ZFR2: variants seen among roughly 807,000 people sequenced by gnomAD.
The protein encoded by ZFR2 is zinc finger RNA binding protein 2.
A neutral mutation model predicts 105.7 loss-of-function variants in ZFR2; 104 were observed. The observed-to-expected ratio is 0.98, with a 90% confidence interval of 0.84 to 1.16. The LOEUF (loss-of-function observed/expected upper bound fraction) is 1.16. ZFR2 is among the 50% of genes most tolerant of loss of function. The pLI is 0.00. For synonymous variants in ZFR2, 634 were observed against 597.7 expected, an observed-to-expected ratio of 1.06 and a Z score of -0.89; for missense variants, 1,425 against 1,355.5, an observed-to-expected ratio of 1.05 and a Z score of -0.80.
At chr19:3,821,222 C>G (rs2037888262) in intron 10 of ZFR2, 118 bp downstream of exon 10, 2 of 1,347,732 alleles carry the variant, frequency 1.5e-6, no homozygotes, top group African/African-American at 1.5e-5. Flanking sequence ...CCGTCTCCCC[C>G]CACTGCTCGA....
Position 3,848,044 on chromosome 19 carries a change from C to T in ZFR2, c.54-13061G>A, listed in dbSNP as rs7250518. On this transcript the variant is annotated intron_variant, in intron 1 of 18. Coordinates refer to ENST00000262961, the MANE Select transcript of ZFR2 (RefSeq NM_015174.2). Reference sequence around the variant, plus strand: ...GGTATGATCGGCCCAAGATATAGTGCAGGGGCAGGGAAATCCAAGTACGGT... The same window carrying T: ...GGTATGATCGGCCCAAGATATAGTGTAGGGGCAGGGAAATCCAAGTACGGT... Among the ~76,000 whole-genome samples the T allele has an allele frequency of 3.5e-3, 528 of 152,326 alleles. 4 individuals are homozygous for T. The highest frequency in any genetic ancestry group is 0.012 in the African/African-American group (490 of 41,570).
chr19:3,827,674 C>T (rs1276842583), intron 5 of ZFR2, 21 bp from the exon 6 acceptor site: 1 of 1,565,976 alleles, frequency 6.4e-7, no homozygotes, highest in Non-Finnish European at 8.7e-7. Flanking sequence ...GGGTGAGAGG[C>T]AGCCTGGGCG....
rs182120653 is a variant in ZFR2 at position 3,841,180 on chromosome 19, G to A, written c.54-6197C>T. 5.9e-5 allele frequency among the ~76,000 whole-genome samples: 9 copies of A among 152,338 alleles called. No individual in the cohort carries two copies. In the East Asian group the frequency reaches 1.4e-3, roughly 23 times the overall value. On this transcript the variant is annotated intron_variant, in intron 1 of 18. Coordinates refer to ENST00000262961, the MANE Select transcript of ZFR2 (RefSeq NM_015174.2). ...TCCCAGCTACAGAGAGAGCTCCAAC[G>A]TGGTTTCAGAGTGCAAGGAGGGTGG...
chr19:3,827,225 G>C (rs891765431), intron 6 of ZFR2, among the ~76,000 whole-genome samples: 1 of 152,154 alleles, frequency 6.6e-6, no homozygotes, highest in Non-Finnish European at 1.5e-5. Context: ...CTGGGGAACA[G>C]GACGAGACTT....
At chr19:3,811,151 C>T (rs975242099) in intron 15 of ZFR2, 121 bp downstream of exon 15, 10 of 968,210 alleles carry the variant, frequency 1.0e-5, no homozygotes, top group South Asian at 3.5e-5. Flanking sequence ...TGATGGCAGG[C>T]GTCCCGGTCT....
chr19:3,831,586 G>T, intron 4 of ZFR2, 30 bp from the exon 5 acceptor site: 1 of 1,541,258 alleles, frequency 6.5e-7, no homozygotes, highest in Non-Finnish European at 8.8e-7. Context: ...ATGAGTCGGG[G>T]GGAGATGCTG....
rs954411039 is a variant in ZFR2 at position 3,838,710 on chromosome 19, G to C, written c.54-3727C>G. 2.0e-5 allele frequency among the ~76,000 whole-genome samples: 3 copies of C among 152,218 alleles called. No individual in the cohort carries two copies. The highest frequency in any genetic ancestry group is 2.0e-4 in the Admixed American group (3 of 15,288). On this transcript the variant is annotated intron_variant, in intron 1 of 18. Coordinates refer to ENST00000262961, the MANE Select transcript of ZFR2 (RefSeq NM_015174.2). The surrounding 1 kb of genome is among the most constrained non-coding windows in gnomAD (Gnocchi z 4.9). ...CAAGTGGCTGCTCAGTGACACCCTG[G>C]GACGAGCCCTCCTGGAGCCCCTGTG... is the stretch of plus-strand genomic sequence containing the variant.
At chr19:3,825,167 G>C in intron 7 of ZFR2, 63 bp downstream of exon 7, 2 of 1,396,114 alleles carry the variant, frequency 1.4e-6, no homozygotes, top group Non-Finnish European at 1.9e-6. Flanking sequence ...ATTTTCTCAC[G>C]AAACTTTCAC....
At chr19:3,817,380 G>A (rs889970735) in intron 12 of ZFR2, among the ~76,000 whole-genome samples, 2 of 151,828 alleles carry the variant, frequency 1.3e-5, no homozygotes, top group Admixed American at 6.6e-5. Context: ...CCAACATGGC[G>A]AAAACCCATC....
rs143956990 is a variant in ZFR2 at position 3,848,992 on chromosome 19, TCAAAA to T, written c.54-14014_54-14010del. ...CTGGACAACAAAGCGAGACTCCGTC[TCAAAA>T]CAAAACAAAACAAAACAAAACAAAA... On this transcript the variant is annotated intron_variant, in intron 1 of 18. Coordinates refer to ENST00000262961, the MANE Select transcript of ZFR2 (RefSeq NM_015174.2). Among the ~76,000 whole-genome samples the T allele has an allele frequency of 2.1e-3, 322 of 151,708 alleles. 2 individuals carry two copies. Among genetic ancestry groups the T allele is most frequent in the African/African-American group, 6.3e-3 (259 of 41,210 alleles).
chr19:3,863,085 A>T (rs528152581), intron 1 of ZFR2, among the ~76,000 whole-genome samples: 85 of 152,322 alleles, frequency 5.6e-4, no homozygotes, highest in African/African-American at 2.0e-3. Context: ...CCTAAGCTCA[A>T]AGGACGGGGT....
chr19:3,816,720 T>G lies in ZFR2; in HGVS notation c.2057A>C (p.His686Pro). 6.2e-7 allele frequency: 1 copy of G among 1,612,496 alleles called. No homozygotes were observed. The highest frequency in any genetic ancestry group is 8.5e-7 in the Non-Finnish European group (1 of 1,179,650). ...LALLCSEKPTHSLLRRIAQQL... is the reference protein window; with the variant it reads ...LALLCSEKPTPSLLRRIAQQL... ...CTGGGCGATCCTCCGCAGCAGGCTGTGCGTGGGCTTCTCGGAGCAGAGCAG... is the reference window on the plus strand; with the variant it reads ...CTGGGCGATCCTCCGCAGCAGGCTGGGCGTGGGCTTCTCGGAGCAGAGCAG... Residue 686 changes from histidine (H) to proline (P), a missense_variant, in exon 13 of 19, where the codon CAC becomes CCC. Physicochemically the swap from His to Pro is moderately conservative, Grantham distance 77. Coordinates refer to ENST00000262961, the MANE Select transcript of ZFR2 (RefSeq NM_015174.2).
chr19:3,848,835 CA>C lies in ZFR2; in HGVS notation c.54-13853del, dbSNP rs993163029. Among the ~76,000 whole-genome samples, 140 of 148,244 alleles carry C rather than the reference CA, an allele frequency of 9.4e-4. 2 individuals are homozygous for C. The East Asian group carries it at 0.017, about 18-fold the overall frequency. ...TGAAACCCCGTCTCCACTAAAAATA[CA>C]AAAAAAAATTAGCCAGGTGTGGTGG... On this transcript the variant is annotated intron_variant, in intron 1 of 18. Coordinates refer to ENST00000262961, the MANE Select transcript of ZFR2 (RefSeq NM_015174.2).
rs2038015603 is a variant in ZFR2 at position 3,831,495 on chromosome 19, T to C, written c.660A>G (p.Pro220=). 1 of 1,552,200 alleles carries C rather than the reference T, an allele frequency of 6.4e-7. No homozygotes were observed. Among genetic ancestry groups the C allele is most frequent in the Admixed American group, 2.0e-5 (1 of 51,096 alleles). The part of the protein sequence containing the change: ...VYSAASPFYP[P]AQPPPPPGPP... Reference sequence around the variant, plus strand: ...GTCCCGGGGGAGGCGGGGGCTGCGCTGGAGGATAGAAAGGGCTGGCAGCGG... The same window carrying C: ...GTCCCGGGGGAGGCGGGGGCTGCGCCGGAGGATAGAAAGGGCTGGCAGCGG... The change falls in exon 5 of 19, where the codon CCA becomes CCG. Residue 220 remains proline (P), a synonymous_variant. Transcript: ENST00000262961.
chr19:3,851,121 C>T (rs2038233662), intron 1 of ZFR2, among the ~76,000 whole-genome samples: 1 of 151,968 alleles, frequency 6.6e-6, no homozygotes, highest in Admixed American at 6.6e-5. Context: ...TAGGGAAGCC[C>T]CAGCCGACCA....
At chr19:3,847,511 G>A (rs559974733) in intron 1 of ZFR2, among the ~76,000 whole-genome samples, 36 of 152,010 alleles carry the variant, frequency 2.4e-4, no homozygotes, top group East Asian at 3.9e-4. Flanking sequence ...GCAACAGAGC[G>A]AGACTCCTTC....
At chr19:3,843,844 A>G (rs977548480) in intron 1 of ZFR2, among the ~76,000 whole-genome samples, 10 of 151,820 alleles carry the variant, frequency 6.6e-5, no homozygotes, top group East Asian at 1.9e-4. Context: ...CAAAAAACAA[A>G]AAAGAAAGAA....
At chr19:3,837,035 G>A in intron 1 of ZFR2, among the ~76,000 whole-genome samples, 1 of 152,214 alleles carries the variant, frequency 6.6e-6, no homozygotes, top group East Asian at 1.9e-4. Context: ...CCCCCAACCG[G>A]GCCCTGCTGT....
intron 5 of ZFR2, among the ~76,000 whole-genome samples, chr19:3,830,425 G>A (rs61683581): frequency 6.6e-6 from 1 of 152,196 alleles, no homozygotes; most frequent in Admixed American, 6.5e-5. Flanking sequence ...AACAGAGCGA[G>A]ACTTTGTCTC....
Sources: gnomAD v4.1 joint callset for allele counts (sites outside exome capture counted in the v4.1 genomes callset) on GRCh38, gnomAD v4.1.1 for gene constraint, Gnocchi (gnomAD v3.1) non-coding constraint, MANE v1.5 for transcripts, NCBI Gene and HGNC (gene_info 2026-07-23, HGNC 2026-07-21) for gene names.